The following SLC5A11 variants were observed in gnomAD, a reference collection of about 807,000 sequenced individuals.
The protein encoded by SLC5A11 is solute carrier family 5 member 11.
SLC5A11 carries 48 observed loss-of-function variants against 69.8 expected under a neutral mutation model. The observed-to-expected ratio is 0.69, with a 90% CI of 0.55 to 0.87. The LOEUF is 0.87. Among genes scored for constraint, SLC5A11 ranks in the 40% least tolerant of loss-of-function variants. SLC5A11 has a pLI of 0.00. For missense variants in SLC5A11, 784 were observed against 866.1 expected (o/e 0.91, Z 1.19); for synonymous variants, 319 against 342.4 (o/e 0.93, Z 0.75).
chr16:24,858,597 G>T, intron 1 of SLC5A11, 23 bp from the exon 3 acceptor site: 2 of 1,571,860 alleles, frequency 1.3e-6, no homozygotes, highest in South Asian at 2.4e-5. Flanking sequence ...TCTGGCATTT[G>T]ACTGGCATTT....
rs1597073969 is a variant in SLC5A11 at position 24,870,086 on chromosome 16, C to T, written c.312+81C>T. The T allele has an allele frequency of 3.9e-6, 4 of 1,014,236 alleles. No homozygotes were observed. In the East Asian group the frequency reaches 1.0e-4, roughly 25 times the overall value. 62.8% of individuals were successfully genotyped at this position (1,014,236 alleles called of 1,614,324 possible). ...CTCAGGGGAAAGTTGTGTGAATGCC[C>T]TGCACTTTAAAAATAGAATGGTGGG... is the stretch of plus-strand genomic sequence containing the variant. On this transcript the variant is annotated intron_variant, in intron 4 of 15. Coordinates refer to ENST00000347898, the Ensembl canonical transcript of SLC5A11.
At chr16:24,904,993 T>A (rs2049912911) in intron 10 of SLC5A11, among the ~76,000 whole-genome samples, 1 of 151,904 alleles carries the variant, frequency 6.6e-6, no homozygotes. Flanking sequence ...CTTGTGTCCA[T>A]GTGTTCTTAT....
chr16:24,884,319 C>G (rs2048250763), intron 8 of SLC5A11, among the ~76,000 whole-genome samples, 188 bp downstream of exon 9: 1 of 151,950 alleles, frequency 6.6e-6, no homozygotes, highest in Non-Finnish European at 1.5e-5. Flanking sequence ...ATTGTGGAAA[C>G]TTACTGTTTT....
At chr16:24,898,816 C>T (rs1463990949) in intron 10 of SLC5A11, among the ~76,000 whole-genome samples, 1 of 152,038 alleles carries the variant, frequency 6.6e-6, no homozygotes, top group East Asian at 1.9e-4. Flanking sequence ...CCATGCCTGG[C>T]CTTTTTTGCA....
At chr16:24,870,442 A>ACGAC (rs71156449) in intron 4 of SLC5A11, among the ~76,000 whole-genome samples, 30 of 140,624 alleles carry the variant, frequency 2.1e-4, no homozygotes, top group African/African-American at 7.9e-4. Flanking sequence ...AACAAAAAAA[A>ACGAC]ACACACACAC....
At chr16:24,905,468 AAATT>A (rs1483040841) in intron 10 of SLC5A11, among the ~76,000 whole-genome samples, 1 of 151,546 alleles carries the variant, frequency 6.6e-6, no homozygotes, top group Non-Finnish European at 1.5e-5. Flanking sequence ...AAAAATAAAA[AAATT>A]AATTAAAGAA....
chr16:24,851,334 G>A (rs2152205660), intron 1 of SLC5A11, among the ~76,000 whole-genome samples: 1 of 150,786 alleles, frequency 6.6e-6, no homozygotes, highest in African/African-American at 2.4e-5. Context: ...CCAACATGGT[G>A]AAACCCCATG....
At chr16:24,862,994 T>G (rs2046688377) in intron 3 of SLC5A11, among the ~76,000 whole-genome samples, 1 of 137,328 alleles carries the variant, frequency 7.3e-6, no homozygotes, top group Admixed American at 7.8e-5. Context: ...TAATATATAA[T>G]CATATATTTA....
intron 3 of SLC5A11, among the ~76,000 whole-genome samples, chr16:24,865,963 C>A (rs902015887): frequency 1.3e-5 from 2 of 150,884 alleles, no homozygotes; most frequent in African/African-American, 4.9e-5. Context: ...AGGTAAGTAG[C>A]TAATAATCCA....
chr16:24,910,881 G>C (rs1368152833), intron 15 of SLC5A11, among the ~76,000 whole-genome samples: 1 of 152,068 alleles, frequency 6.6e-6, no homozygotes, highest in Non-Finnish European at 1.5e-5. Context: ...AAAATTGAGA[G>C]ATTTTGGCCG....
chr16:24,856,777 T>A (rs1287093799), intron 1 of SLC5A11, among the ~76,000 whole-genome samples: 1 of 149,666 alleles, frequency 6.7e-6, no homozygotes, highest in Non-Finnish European at 1.5e-5. Context: ...TCTCAAAAAA[T>A]AAATAAATAA....
chr16:24,850,017 A>G (rs1228181890), intron 1 of SLC5A11, among the ~76,000 whole-genome samples: 3 of 152,010 alleles, frequency 2.0e-5, no homozygotes, highest in South Asian at 2.1e-4. Flanking sequence ...AGCTCACTAC[A>G]TCCTCAACCT....
chr16:24,860,267 A>AC (rs1355828399), intron 2 of SLC5A11, among the ~76,000 whole-genome samples: 1 of 152,112 alleles, frequency 6.6e-6, no homozygotes, highest in Non-Finnish European at 1.5e-5. Context: ...AGCCTGGGCG[A>AC]CAGAGTGAGA....
At chr16:24,875,873 G>A (rs2047639421) in intron 6 of SLC5A11, 142 bp downstream of exon 7, 2 of 716,648 alleles carry the variant, frequency 2.8e-6, no homozygotes, top group Non-Finnish European at 4.7e-6. Context: ...AAGATGGCAT[G>A]GGGGGAGGTA....
chr16:24,897,288 A>G (rs1490895823), intron 9 of SLC5A11, among the ~76,000 whole-genome samples: 1 of 151,816 alleles, frequency 6.6e-6, no homozygotes, highest in East Asian at 1.9e-4. Context: ...TTCCATGGAG[A>G]GCTGTGGTTG....
At chr16:24,859,190 G>A (rs1597001694) in intron 2 of SLC5A11, 1 of 154,060 alleles carries the variant, frequency 6.5e-6, no homozygotes. Flanking sequence ...TTTTGAGGTG[G>A]GATCTCCCTC....
At chr16:24,862,797 A>C in intron 3 of SLC5A11, 125 bp downstream of exon 4, 1 of 696,694 alleles carries the variant, frequency 1.4e-6, no homozygotes, top group Non-Finnish European at 2.2e-6. Context: ...TGTCTAAACT[A>C]GAGAAGGCTT....
chr16:24,892,722 A>G (rs2048896921), intron 9 of SLC5A11, among the ~76,000 whole-genome samples: 1 of 152,168 alleles, frequency 6.6e-6, no homozygotes, highest in African/African-American at 2.4e-5. Flanking sequence ...GTGAGGGCTG[A>G]TGACAGTTTA....
intron 1 of SLC5A11, among the ~76,000 whole-genome samples, chr16:24,849,593 A>AAAAAAAAAAT: frequency 1.1e-4 from 4 of 35,910 alleles, no homozygotes; most frequent in Admixed American, 3.8e-4. Context: ...AAAAAAAAAA[A>AAAAAAAAAAT]ATATATATAT....
Sources: gnomAD v4.1 joint callset for allele counts (sites outside exome capture counted in the v4.1 genomes callset) on GRCh38, gnomAD v4.1.1 for gene constraint, MANE v1.5 for transcripts, NCBI Gene and HGNC (gene_info 2026-07-23, HGNC 2026-07-21) for gene names.